The following PLAAT3 variants were observed in gnomAD, a reference collection of about 807,000 sequenced individuals.
PLAAT3 encodes the protein Ca-independent phospholipase A1/2.
PLAAT3 carries 21 observed loss-of-function variants against 16.7 expected under a neutral mutation model. That is an observed-to-expected ratio of 1.26 (90% CI 0.89 to 1.81). The LOEUF (loss-of-function observed/expected upper bound fraction) is 1.81. Among genes scored for constraint, PLAAT3 ranks in the 40% most tolerant of loss-of-function variants. The pLI is 0.00. For synonymous variants in PLAAT3, 76 were observed against 81.7 expected, an observed-to-expected ratio of 0.93 and a Z score of 0.38; for missense variants, 219 against 213.7, an observed-to-expected ratio of 1.02 and a Z score of -0.16.
In PLAAT3 at chr11:63,574,505, G is replaced by A. The variant is rs1335041269; in HGVS notation, c.*440C>T. The A allele has an allele frequency of 6.6e-6, 1 of 151,514 alleles. No individual in the cohort carries two copies. Among genetic ancestry groups the A allele is most frequent in the African/African-American group, 2.5e-5 (1 of 40,178 alleles). 9.4% of individuals were successfully genotyped at this position (151,514 alleles called of 1,614,324 possible). A position where few individuals can be genotyped will look rare whatever the true frequency, so the allele number is the denominator to read the frequency against. On this transcript the variant is annotated 3_prime_UTR_variant, in exon 5 of 5. Transcript: ENST00000415826. Reference sequence around the variant, plus strand: ...AGCTGAACATCTACAGACTCCAGCTGCTGAGTCTCAGAGGCCATCCTAGAT... The same window carrying A: ...AGCTGAACATCTACAGACTCCAGCTACTGAGTCTCAGAGGCCATCCTAGAT...
At chr11:63,589,680 A>G (rs1938088385) in intron 4 of PLAAT3, among the ~76,000 whole-genome samples, 2 of 152,184 alleles carry the variant, frequency 1.3e-5, no homozygotes, top group South Asian at 2.1e-4. Flanking sequence ...AGGAAAAGAC[A>G]GGTACCAGGT....
chr11:63,596,880 G>A (rs1279937446), intron 3 of PLAAT3, among the ~76,000 whole-genome samples: 1 of 151,904 alleles, frequency 6.6e-6, no homozygotes, highest in Non-Finnish European at 1.5e-5. Context: ...TGGATCTCCC[G>A]AGGTCCAGAG....
chr11:63,592,403 C>T (rs975600227), intron 3 of PLAAT3, among the ~76,000 whole-genome samples: 10 of 151,958 alleles, frequency 6.6e-5, no homozygotes, highest in African/African-American at 2.4e-4. Flanking sequence ...AAGCCTGGTC[C>T]GAGCTCAAGC....
intron 2 of PLAAT3, among the ~76,000 whole-genome samples, chr11:63,610,267 A>G (rs931879799): frequency 6.6e-6 from 1 of 152,148 alleles, no homozygotes; most frequent in African/African-American, 2.4e-5. Context: ...TGGGCTCAAC[A>G]TGTCCACTCC....
At chr11:63,580,719 A>C (rs1250175701) in intron 4 of PLAAT3, among the ~76,000 whole-genome samples, 1 of 152,208 alleles carries the variant, frequency 6.6e-6, no homozygotes, top group East Asian at 1.9e-4. Flanking sequence ...TGTAATTACA[A>C]AGTTCCTTAA....
chr11:63,601,172 A>G (rs1489598317), intron 2 of PLAAT3, among the ~76,000 whole-genome samples: 6 of 148,302 alleles, frequency 4.0e-5, no homozygotes, highest in African/African-American at 1.5e-4. Flanking sequence ...CTCCCACCTC[A>G]GCCTCCCAAG....
chr11:63,598,962 A>G (rs747328143), intron 2 of PLAAT3, among the ~76,000 whole-genome samples: 2 of 152,104 alleles, frequency 1.3e-5, no homozygotes, highest in Non-Finnish European at 2.9e-5. Context: ...AAATGCTCTC[A>G]CCCTGTTAGG....
At chr11:63,584,909 G>T (rs1937925095) in intron 4 of PLAAT3, among the ~76,000 whole-genome samples, 1 of 152,148 alleles carries the variant, frequency 6.6e-6, no homozygotes, top group Non-Finnish European at 1.5e-5. Context: ...ATATCCTCAT[G>T]AGTTAAATGA....
chr11:63,574,670 T>C lies in PLAAT3; in HGVS notation c.*275A>G. ...GAGATAACTGGAGCTGGACTCTGCC[T>C]CCTGCAATGCAAAGAACACAGCACG... is the stretch of plus-strand genomic sequence containing the variant. On this transcript the variant is annotated 3_prime_UTR_variant, in exon 5 of 5. Coordinates refer to ENST00000415826, the MANE Select transcript of PLAAT3 (RefSeq NM_001128203.2). The C allele has an allele frequency of 2.5e-6, 1 of 392,804 alleles. No homozygotes were observed. The highest frequency in any genetic ancestry group is 4.7e-6 in the Non-Finnish European group (1 of 214,144). 24.3% of individuals were successfully genotyped at this position (392,804 alleles called of 1,614,324 possible). A position where few individuals can be genotyped will look rare whatever the true frequency, so the allele number is the denominator to read the frequency against.
intron 4 of PLAAT3, among the ~76,000 whole-genome samples, chr11:63,577,167 CTTT>C (rs773068565): frequency 7.2e-6 from 1 of 139,466 alleles, no homozygotes. Context: ...GGCAAGTGCA[CTTT>C]TTTTTTTTTT....
intron 4 of PLAAT3, among the ~76,000 whole-genome samples, chr11:63,588,977 C>CAAAAAAAAA (rs58090843): frequency 4.3e-5 from 2 of 46,906 alleles, no homozygotes; most frequent in African/African-American, 1.4e-4. Context: ...ATGAGCCAAG[C>CAAAAAAAAA]AAAAAAAAAA....
At chr11:63,610,945 G>C (rs918894669) in intron 2 of PLAAT3, among the ~76,000 whole-genome samples, 1 of 151,990 alleles carries the variant, frequency 6.6e-6, no homozygotes, top group Non-Finnish European at 1.5e-5. Flanking sequence ...GGAAACTGTG[G>C]ACACACCCTC....
chr11:63,593,469 A>AG (rs1298638950), intron 3 of PLAAT3, among the ~76,000 whole-genome samples: 1 of 152,226 alleles, frequency 6.6e-6, no homozygotes, highest in Non-Finnish European at 1.5e-5. Context: ...GAGACCCAGG[A>AG]GGGGAGAAGA....
chr11:63,582,948 T>C (rs1937863247), intron 4 of PLAAT3, among the ~76,000 whole-genome samples: 1 of 152,028 alleles, frequency 6.6e-6, no homozygotes, highest in Non-Finnish European at 1.5e-5. Context: ...CTGACCAACA[T>C]GGTGAAACCT....
intron 3 of PLAAT3, among the ~76,000 whole-genome samples, chr11:63,594,384 C>A (rs964167389): frequency 3.3e-5 from 5 of 151,958 alleles, no homozygotes; most frequent in African/African-American, 4.8e-5. Flanking sequence ...AGGAGGAGCC[C>A]ACACAAGAGA....
chr11:63,615,028 G>GTATATATGTATATA (rs1565259459), upstream of PLAAT3, among the ~76,000 whole-genome samples: 2 of 32,476 alleles, frequency 6.2e-5, 1 homozygote, highest in Non-Finnish European at 1.4e-4. Flanking sequence ...ATATATATAT[G>GTATATATGTATATA]TGTGTATATA....
intron 2 of PLAAT3, among the ~76,000 whole-genome samples, chr11:63,610,959 G>C (rs574997466): frequency 6.6e-6 from 1 of 151,904 alleles, no homozygotes; most frequent in Non-Finnish European, 1.5e-5. Context: ...CACCCTCTTC[G>C]ATCCCCCAGG....
chr11:63,585,160 G>T (rs1937938270), intron 4 of PLAAT3, among the ~76,000 whole-genome samples: 1 of 151,852 alleles, frequency 6.6e-6, no homozygotes, highest in African/African-American at 2.4e-5. Flanking sequence ...GAGTAGCCGG[G>T]ACTACCGGTG....
At chr11:63,615,977 T>C (rs544474565), upstream of PLAAT3, among the ~76,000 whole-genome samples, 9 of 152,266 alleles carry the variant, frequency 5.9e-5, no homozygotes, top group South Asian at 4.1e-4. Flanking sequence ...ATTTTTTACT[T>C]TTTAATTGAC....
Sources: allele counts gnomAD v4.1 joint callset (sites outside exome capture counted in the v4.1 genomes callset), GRCh38; gene constraint gnomAD v4.1.1; transcripts MANE v1.5; gene names NCBI Gene and HGNC (gene_info 2026-07-23, HGNC 2026-07-21).